Variants in LSAMP observed in about 807,000 individuals in gnomAD.
The protein encoded by LSAMP is limbic system-associated membrane protein.
LSAMP carries 7 observed loss-of-function variants against 38.6 expected under a neutral mutation model. That is an observed-to-expected ratio of 0.18 (90% confidence interval 0.10 to 0.34). The LOEUF (loss-of-function observed/expected upper bound fraction) is 0.34, where lower values mean the gene tolerates loss of function less well. Among genes scored for constraint, LSAMP ranks in the 10% least tolerant of loss-of-function variants. The pLI, the probability that LSAMP is intolerant of heterozygous loss-of-function variation, is 1.00. For missense variants in LSAMP, 313 were observed against 420.0 expected (o/e 0.75, Z 2.23); for synonymous variants, 154 against 166.8 (o/e 0.92, Z 0.59).
intron 2 of LSAMP, among the ~76,000 whole-genome samples, chr3:116,020,398 C>T (rs1940605556): frequency 6.6e-6 from 1 of 152,114 alleles, no homozygotes; most frequent in Non-Finnish European, 1.5e-5. Flanking sequence ...ACTTCAATAA[C>T]TTCTTACAAT....
chr3:116,397,057 G>C (rs2048777639), intron 1 of LSAMP, among the ~76,000 whole-genome samples: 1 of 152,168 alleles, frequency 6.6e-6, no homozygotes, highest in Admixed American at 6.5e-5. Context: ...ATAAGAGCCA[G>C]GTTGTTCTTT....
intron 4 of LSAMP, among the ~76,000 whole-genome samples, chr3:115,845,434 C>T (rs913337569): frequency 1.3e-5 from 2 of 152,300 alleles, no homozygotes; most frequent in South Asian, 4.1e-4. Context: ...CCCTTGGTCC[C>T]CTACCACTTT....
chr3:116,260,020 C>A (rs1346207645), intron 1 of LSAMP, among the ~76,000 whole-genome samples: 2 of 152,078 alleles, frequency 1.3e-5, no homozygotes, highest in Non-Finnish European at 2.9e-5. Context: ...ATTCCCCCTG[C>A]AATTTCCCAA....
intron 3 of LSAMP, among the ~76,000 whole-genome samples, chr3:115,948,766 GAAAT>G (rs1339991533): frequency 1.3e-5 from 2 of 152,062 alleles, no homozygotes; most frequent in Non-Finnish European, 2.9e-5. Context: ...CATAAGAAAA[GAAAT>G]AACAAAGATC....
chr3:115,852,844 G>A (rs1310558870), intron 3 of LSAMP, among the ~76,000 whole-genome samples: 1 of 152,104 alleles, frequency 6.6e-6, no homozygotes, highest in East Asian at 1.9e-4. Flanking sequence ...TGGGAAAATG[G>A]AACTTGGAAG....
chr3:115,846,255 A>G (rs144730041), intron 4 of LSAMP, among the ~76,000 whole-genome samples: 6 of 152,330 alleles, frequency 3.9e-5, no homozygotes, highest in African/African-American at 1.2e-4. Context: ...AATAGCTTAC[A>G]ATTGTCAAAG....
chr3:116,231,281 A>G (rs1260730389), intron 1 of LSAMP, among the ~76,000 whole-genome samples: 4 of 152,202 alleles, frequency 2.6e-5, no homozygotes, highest in Non-Finnish European at 4.4e-5. Context: ...CACATATTCA[A>G]TCATTGATGA....
At chr3:116,437,278 A>G (rs1273638700) in intron 1 of LSAMP, among the ~76,000 whole-genome samples, 1 of 152,082 alleles carries the variant, frequency 6.6e-6, no homozygotes, top group Non-Finnish European at 1.5e-5. Flanking sequence ...GGCGAGGAAT[A>G]AAAGACAACA....
chr3:116,027,921 T>C (rs2107699244), intron 2 of LSAMP, among the ~76,000 whole-genome samples: 1 of 152,290 alleles, frequency 6.6e-6, no homozygotes. Flanking sequence ...CAAATTAGTC[T>C]CATTAGTTAT....
intron 1 of LSAMP, among the ~76,000 whole-genome samples, chr3:116,174,789 C>T (rs2107559367): frequency 6.6e-6 from 1 of 152,124 alleles, no homozygotes; most frequent in East Asian, 1.9e-4. Context: ...TGCCGTCTAC[C>T]ACATCATATA....
intron 1 of LSAMP, among the ~76,000 whole-genome samples, chr3:116,113,647 G>C (rs535049543): frequency 2.0e-5 from 3 of 151,420 alleles, no homozygotes; most frequent in African/African-American, 7.3e-5. Context: ...GGATGGTCTC[G>C]ATCTCCTGGC....
chr3:116,384,668 C>T (rs1013236375), intron 1 of LSAMP, among the ~76,000 whole-genome samples: 2 of 152,110 alleles, frequency 1.3e-5, no homozygotes, highest in South Asian at 2.1e-4. Context: ...TACATGCAAA[C>T]GTTCTAAAAA....
Position 115,904,639 on chromosome 3 carries a change from A to T in LSAMP, c.515-52022T>A, listed in dbSNP as rs76740118. Reference sequence around the variant, plus strand: ...AGATCTACCCTTCACTCTCAGAGTGATCTTTCTAAAATGCGAATCTGATCA... The same window carrying T: ...AGATCTACCCTTCACTCTCAGAGTGTTCTTTCTAAAATGCGAATCTGATCA... On this transcript the variant is annotated intron_variant, in intron 3 of 6. Transcript: ENST00000490035. 5.4e-3 allele frequency among the ~76,000 whole-genome samples: 829 copies of T among 152,212 alleles called. 10 individuals carry two copies. The highest frequency in any genetic ancestry group is 0.019 in the African/African-American group (782 of 41,540).
At chr3:115,846,549 AGG>A (rs1307696289) in intron 4 of LSAMP, among the ~76,000 whole-genome samples, 8 of 152,188 alleles carry the variant, frequency 5.3e-5, no homozygotes, top group African/African-American at 1.9e-4. Context: ...AATTAGCCCT[AGG>A]AAGTAAATAT....
At chr3:116,238,539 T>G (rs2046493733) in intron 1 of LSAMP, among the ~76,000 whole-genome samples, 1 of 152,188 alleles carries the variant, frequency 6.6e-6, no homozygotes, top group South Asian at 2.1e-4. Flanking sequence ...ACACTTTCCC[T>G]GTGGCCCCAA....
At chr3:115,893,145 C>CG (rs1302697321) in intron 3 of LSAMP, among the ~76,000 whole-genome samples, 1 of 151,686 alleles carries the variant, frequency 6.6e-6, no homozygotes, top group Non-Finnish European at 1.5e-5. Flanking sequence ...TGGGGCCTGT[C>CG]GGGGAGTGGG....
intron 1 of LSAMP, among the ~76,000 whole-genome samples, chr3:116,143,420 A>G (rs568530563): frequency 6.6e-6 from 1 of 152,176 alleles, no homozygotes; most frequent in Non-Finnish European, 1.5e-5. Context: ...GGGTGACTAT[A>G]GTCAATAATA....
chr3:115,884,331 C>A (rs1177914073), intron 3 of LSAMP, among the ~76,000 whole-genome samples: 1 of 151,792 alleles, frequency 6.6e-6, no homozygotes, highest in Admixed American at 6.6e-5. Flanking sequence ...AATATTATCT[C>A]GAGAAGAACA....
intron 3 of LSAMP, among the ~76,000 whole-genome samples, chr3:115,937,650 G>GA (rs60829726): frequency 0.8 from 117,092 of 145,836 alleles, 48,225 homozygotes; most frequent in South Asian, 0.95. Context: ...AATAAGAAAA[G>GA]AAAAAAAAAA....
Sources: allele counts gnomAD v4.1 joint callset (sites outside exome capture counted in the v4.1 genomes callset), GRCh38; gene constraint gnomAD v4.1.1; transcripts MANE v1.5; gene names NCBI Gene and HGNC (gene_info 2026-07-23, HGNC 2026-07-21).